The following CR1 variants were observed in gnomAD, a reference collection of about 807,000 sequenced individuals.
The protein encoded by CR1 is complement receptor type 1.
A neutral mutation model predicts 187.3 loss-of-function variants in CR1; 116 were observed. The observed-to-expected ratio is 0.62, with a 90% confidence interval of 0.53 to 0.72. The LOEUF is 0.72. CR1 is among the 30% of genes least tolerant of loss of function. The pLI is 0.00. For missense variants in CR1, 1,731 were observed against 2,110.7 expected, an observed-to-expected ratio of 0.82 and a Z score of 3.52; for synonymous variants, 576 against 747.1, an observed-to-expected ratio of 0.77 and a Z score of 3.73.
intron 35 of CR1, chr1:207,600,692 T>C (rs1661578121): frequency 6.6e-6 from 1 of 152,154 alleles, no homozygotes; most frequent in Non-Finnish European, 1.5e-5. Context: ...AGTCCTTTAC[T>C]TGAATTGATT....
Position 207,580,397 on chromosome 1 carries a change from T to C in CR1, c.5094T>C (p.Pro1698=), listed in dbSNP as rs757937534. 5 of 1,613,718 alleles carry C rather than the reference T, an allele frequency of 3.1e-6. No homozygotes were observed. The East Asian group carries it at 1.1e-4, about 36-fold the overall frequency. ...LHCTPQGDWS[P]EAPRCAVKSC... ...GCACACCCCAGGGAGACTGGAGCCC[T>C]GAAGCCCCGAGATGTGCAGGTGCCT... Residue 1698 remains proline, a synonymous_variant, in exon 30 of 47, where the codon CCT becomes CCC. Coordinates refer to ENST00000367049, the MANE Select transcript of CR1 (RefSeq NM_000651.6).
intron 46 of CR1, among the ~76,000 whole-genome samples, chr1:207,635,348 A>T (rs1662780649): frequency 1.3e-5 from 2 of 152,198 alleles, no homozygotes; most frequent in Admixed American, 1.3e-4. Flanking sequence ...AATAGTGGAG[A>T]GAAGTTCAGC....
chr1:207,519,370 T>C (rs1169821925), intron 4 of CR1, among the ~76,000 whole-genome samples: 1 of 152,078 alleles, frequency 6.6e-6, no homozygotes, highest in Non-Finnish European at 1.5e-5. Context: ...ATTTGTTTCA[T>C]GTGTTTGTTC....
intron 5 of CR1, among the ~76,000 whole-genome samples, chr1:207,524,748 T>C (rs951312970): frequency 1.3e-5 from 2 of 151,758 alleles, no homozygotes; most frequent in Non-Finnish European, 2.9e-5. Context: ...AGACAGTAAC[T>C]TGCAGACAAA....
chr1:207,520,950 ATTTTTTTTTTTTTGGTTGTTTTTTT>A (rs1659968051), intron 4 of CR1, among the ~76,000 whole-genome samples: 1 of 64,938 alleles, frequency 1.5e-5, no homozygotes, highest in Non-Finnish European at 3.5e-5. Flanking sequence ...GGGTTTGCAC[ATTTTTTTTTTTTTGGTTGTTTTTTT>A]TTTTTTTTTT....
At chr1:207,612,592 T>C (rs1571595101) in intron 39 of CR1, among the ~76,000 whole-genome samples, 2 of 152,356 alleles carry the variant, frequency 1.3e-5, no homozygotes, top group Admixed American at 1.3e-4. Flanking sequence ...GCAATGCCCC[T>C]GCCCAGGCCT....
intron 4 of CR1, among the ~76,000 whole-genome samples, chr1:207,515,170 G>T (rs939389606): frequency 3.5e-4 from 4 of 11,538 alleles, no homozygotes; most frequent in South Asian, 0.012. Flanking sequence ...TACATATATA[G>T]GTATATACAT....
chr1:207,508,062 T>C (rs1255780109), intron 3 of CR1, among the ~76,000 whole-genome samples: 1 of 152,186 alleles, frequency 6.6e-6, no homozygotes, highest in Admixed American at 6.5e-5. Context: ...ACATAACATA[T>C]GATTCCAACT....
rs370698774 is a variant in CR1 at position 207,609,433 on chromosome 1, C to A, written c.6040C>A (p.Arg2014=). The change falls in exon 37 of 47, where the codon CGG becomes AGG. Residue 2014 remains arginine, a synonymous_variant. Transcript: ENST00000367049. ...ACAGCTGTTTGAGCTTGTGGGAGAA[C>A]GGTCAATATATTGCACCAGCAAAGA... ...GEQLFELVGE[R]SIYCTSKDDQ... is the part of the protein sequence containing the mutation. 2 of 1,613,924 alleles carry A rather than the reference C, an allele frequency of 1.2e-6. No individual in the cohort carries two copies. Among genetic ancestry groups the A allele is most frequent in the East Asian group, 4.5e-5 (2 of 44,878 alleles).
chr1:207,616,112 T>C (rs1401492768), intron 40 of CR1, among the ~76,000 whole-genome samples: 1 of 152,174 alleles, frequency 6.6e-6, no homozygotes, highest in Non-Finnish European at 1.5e-5. Context: ...CTGATGGTAA[T>C]GGTCTTGAAT....
intron 36 of CR1, among the ~76,000 whole-genome samples, chr1:207,609,062 A>C (rs1005386306): frequency 2.0e-5 from 3 of 151,854 alleles, no homozygotes; most frequent in South Asian, 2.1e-4. Flanking sequence ...ATATAAACCC[A>C]AAAAAACATG....
chr1:207,592,353 A>G (rs188696358), intron 35 of CR1, among the ~76,000 whole-genome samples: 1 of 152,262 alleles, frequency 6.6e-6, no homozygotes, highest in Non-Finnish European at 1.5e-5. Context: ...CCACATGATT[A>G]TCTCAATAGA....
chr1:207,619,339 C>T (rs552611875), intron 42 of CR1, among the ~76,000 whole-genome samples: 56 of 142,238 alleles, frequency 3.9e-4, no homozygotes, highest in African/African-American at 1.3e-3. Context: ...GCCCAGATCG[C>T]GCCACTGCAC....
chr1:207,589,950 G>A (rs1248111672), intron 35 of CR1, among the ~76,000 whole-genome samples: 2 of 152,174 alleles, frequency 1.3e-5, no homozygotes, highest in African/African-American at 2.4e-5. Context: ...CAAGAAATAT[G>A]GGACTATGTG....
intron 27 of CR1, among the ~76,000 whole-genome samples, chr1:207,573,488 G>A (rs1571544316): frequency 6.6e-6 from 1 of 151,850 alleles, no homozygotes; most frequent in South Asian, 2.1e-4. Context: ...ATGGCATGAA[G>A]CAGAAAACCA....
chr1:207,619,050 A>G (rs112697481), intron 42 of CR1, among the ~76,000 whole-genome samples: 26 of 139,048 alleles, frequency 1.9e-4, no homozygotes, highest in Non-Finnish European at 2.3e-4. Context: ...AAAAAAAAAA[A>G]AAAAAGAAAA....
chr1:207,542,198 AC>A lies in CR1; in HGVS notation c.1860del (p.Thr621ProfsTer21). ...TTTTTCCAGGAATTCCTTGTGGGCT[AC>A]CCCCCACCATCGCCAATGGAGATTT... ...PICQRIPCGL[P>X]PTIANGDFIS... On this transcript the variant is annotated frameshift_variant, in exon 13 of 47. Transcript: ENST00000367049. LOFTEE classifies it high-confidence loss of function. 2 of 92,304 alleles carry A rather than the reference AC, an allele frequency of 2.2e-5. No homozygotes were observed. The highest frequency in any genetic ancestry group is 2.1e-4 in the African/African-American group (1 of 4,832). 5.7% of individuals were successfully genotyped at this position (92,304 alleles called of 1,614,324 possible).
chr1:207,513,644 T>G (rs1235871462), intron 4 of CR1, among the ~76,000 whole-genome samples: 2 of 152,222 alleles, frequency 1.3e-5, no homozygotes, highest in African/African-American at 4.8e-5. Flanking sequence ...CAAATTGGCC[T>G]GGTTGACATG....
At chr1:207,498,887 A>ACAAAAAAAAAAAAAAAAAAAAAAAAG in intron 1 of CR1, among the ~76,000 whole-genome samples, 1 of 149,252 alleles carries the variant, frequency 6.7e-6, no homozygotes, top group South Asian at 2.1e-4. Flanking sequence ...CAAAAAAAAA[A>ACAAAAAAAAAAAAAAAAAAAAAAAAG]AAAAAAGAAA....
Sources: allele counts gnomAD v4.1 joint callset (sites outside exome capture counted in the v4.1 genomes callset), GRCh38; gene constraint gnomAD v4.1.1; transcripts MANE v1.5; gene names NCBI Gene and HGNC (gene_info 2026-07-23, HGNC 2026-07-21).